Variants in UBAC2 observed in about 807,000 individuals in gnomAD.
The protein encoded by UBAC2 is ubiquitin-associated domain-containing protein 2.
UBAC2 carries 26 observed loss-of-function variants against 44.0 expected under a neutral mutation model. The ratio of observed to expected loss-of-function variants is 0.59; its 90% confidence interval spans 0.43 to 0.82. The LOEUF (loss-of-function observed/expected upper bound fraction) is 0.82, where lower values mean the gene tolerates loss of function less well. Ranked by LOEUF, UBAC2 falls within the 40% of genes least tolerant of loss-of-function variation. The probability of loss-of-function intolerance (pLI) is 0.00; values close to 1 mark genes in which losing one functional copy is unlikely to be tolerated. For missense variants in UBAC2, 329 were observed against 419.4 expected, an observed-to-expected ratio of 0.78 and a Z score of 1.88; for synonymous variants, 155 against 154.3, an observed-to-expected ratio of 1.00 and a Z score of -0.04.
chr13:99,317,272 CA>C (rs1566499892), intron 5 of UBAC2, among the ~76,000 whole-genome samples: 1 of 152,308 alleles, frequency 6.6e-6, no homozygotes, highest in East Asian at 1.9e-4. Context: ...AGTAAACCCC[CA>C]ATCTGAAGTT....
chr13:99,238,473 C>G lies in UBAC2; in HGVS notation c.78C>G (p.Leu26=). 6.2e-7 allele frequency: 1 copy of G among 1,614,010 alleles called. No individual in the cohort carries two copies. The change falls in exon 2 of 9, where the codon CTC becomes CTG. Residue 26 remains leucine (L), a synonymous_variant. Transcript: ENST00000403766. The part of the protein sequence containing the change: ...SKSLLLVPSA[L]SLLLALLLPH... ...GCCTTCTGCTGGTCCCCAGTGCCCT[C>G]TCCCTCCTGCTCGCCCTCCTCCTGC...
At chr13:99,316,934 T>C (rs1357923873) in intron 5 of UBAC2, among the ~76,000 whole-genome samples, 1 of 152,206 alleles carries the variant, frequency 6.6e-6, no homozygotes, top group African/African-American at 2.4e-5. Flanking sequence ...ATTCTTTCTA[T>C]TTTTAGAAGA....
intron 4 of UBAC2, among the ~76,000 whole-genome samples, chr13:99,293,664 G>A (rs2044124907): frequency 6.6e-6 from 1 of 152,130 alleles, no homozygotes; most frequent in African/African-American, 2.4e-5. Context: ...TTTGACAATG[G>A]CTTTAAAATC....
intron 8 of UBAC2, among the ~76,000 whole-genome samples, chr13:99,380,202 C>T (rs902087922): frequency 1.3e-5 from 2 of 152,154 alleles, no homozygotes; most frequent in African/African-American, 2.4e-5. Flanking sequence ...GGAGCATTTT[C>T]GATTTTGAAT....
At chr13:99,345,816 C>T (rs1346561378) in intron 7 of UBAC2, among the ~76,000 whole-genome samples, 1 of 147,326 alleles carries the variant, frequency 6.8e-6, no homozygotes, top group African/African-American at 2.5e-5. Flanking sequence ...GATCTTGGCT[C>T]ACTGCAACCT....
intron 8 of UBAC2, among the ~76,000 whole-genome samples, chr13:99,368,688 A>AGAGAGTGTGT (rs765104174): frequency 6.8e-6 from 1 of 146,596 alleles, no homozygotes. Flanking sequence ...CTCATGAGAG[A>AGAGAGTGTGT]GTGTGTGTGT....
At chr13:99,240,432 A>G (rs2043286496) in intron 2 of UBAC2, among the ~76,000 whole-genome samples, 1 of 151,856 alleles carries the variant, frequency 6.6e-6, no homozygotes, top group Admixed American at 6.6e-5. Flanking sequence ...GTAATTACAA[A>G]CTCTCCATTT....
intron 1 of UBAC2, among the ~76,000 whole-genome samples, chr13:99,211,384 A>G (rs1470075803): frequency 1.3e-5 from 2 of 152,372 alleles, no homozygotes; most frequent in South Asian, 4.1e-4. Context: ...GGCAATGGCA[A>G]TATGACTTGT....
chr13:99,228,257 C>T (rs2043133396), intron 1 of UBAC2, among the ~76,000 whole-genome samples: 1 of 151,772 alleles, frequency 6.6e-6, no homozygotes, highest in Non-Finnish European at 1.5e-5. Flanking sequence ...TGTGATGGTG[C>T]TGGTGGTAGG....
At position 99,254,758 on chromosome 13, in the gene UBAC2, TAATG is replaced by T. The variant is rs1594052638; in HGVS notation, c.389+10138_389+10141del. The T allele has an allele frequency of 8.2e-6, 6 of 735,720 alleles. No individual in the cohort carries two copies. The East Asian group carries it at 8.3e-5, about 10-fold the overall frequency. The allele number at this position is 735,720 out of a possible 1,614,324, so 45.6% of individuals were successfully genotyped here. A position where few individuals can be genotyped will look rare whatever the true frequency, so the allele number is the denominator to read the frequency against. On this transcript the variant is annotated intron_variant, in intron 4 of 8. Transcript: ENST00000403766. Reference sequence around the variant, plus strand: ...TTTATATAAGTTTTTAAAATGAAGATAATGAATTTATTTTTTCAAGAGAAAAGGG... The same window carrying T: ...TTTATATAAGTTTTTAAAATGAAGATAATTTATTTTTTCAAGAGAAAAGGG...
intron 8 of UBAC2, among the ~76,000 whole-genome samples, chr13:99,381,160 C>A (rs1465463703): frequency 2.6e-5 from 4 of 152,374 alleles, no homozygotes; most frequent in Admixed American, 2.6e-4. Context: ...CATCCCAGAC[C>A]TAAGGGGTTC....
intron 1 of UBAC2, among the ~76,000 whole-genome samples, chr13:99,216,226 G>A (rs1447212408): frequency 5.3e-5 from 8 of 151,788 alleles, no homozygotes; most frequent in South Asian, 2.1e-4. Context: ...CTCAGCCTCC[G>A]AAGTAGTAGC....
chr13:99,337,252 T>C (rs931138502), intron 6 of UBAC2, among the ~76,000 whole-genome samples: 1 of 152,236 alleles, frequency 6.6e-6, no homozygotes, highest in African/African-American at 2.4e-5. Flanking sequence ...TGATGAAAAT[T>C]GGTATCTTAA....
chr13:99,343,934 T>G (rs765387752), intron 7 of UBAC2, among the ~76,000 whole-genome samples: 20 of 152,214 alleles, frequency 1.3e-4, no homozygotes, highest in Non-Finnish European at 2.2e-4. Flanking sequence ...AACAAATAAG[T>G]ACTTAGTGCT....
chr13:99,284,315 T>A (rs1423194371), intron 4 of UBAC2, among the ~76,000 whole-genome samples: 1 of 152,238 alleles, frequency 6.6e-6, no homozygotes, highest in Non-Finnish European at 1.5e-5. Flanking sequence ...AGCTATTACT[T>A]GTATTTTCAT....
chr13:99,200,883 T>G lies in UBAC2; in HGVS notation c.-26T>G. ...TTCAGCTTCCCCTCCCCCGGCGCCC[T>G]CTGGGGCTCCGAGCCCGGCGGGACC... On this transcript the variant is annotated 5_prime_UTR_variant, in exon 1 of 9. Coordinates refer to ENST00000403766, the MANE Select transcript of UBAC2 (RefSeq NM_001144072.2). 2 of 1,301,982 alleles carry G rather than the reference T, an allele frequency of 1.5e-6. No individual in the cohort carries two copies. The highest frequency in any genetic ancestry group is 2.9e-5 in the East Asian group (1 of 34,218). 80.7% of individuals were successfully genotyped at this position (1,301,982 alleles called of 1,614,324 possible).
At chr13:99,238,309 T>A (rs954545655) in intron 1 of UBAC2, 118 bp from the exon 2 acceptor site, 48 of 1,347,300 alleles carry the variant, frequency 3.6e-5, no homozygotes, top group Non-Finnish European at 4.4e-5. Context: ...AATTTCAGAG[T>A]TTCTGGACTT....
At chr13:99,272,831 A>G (rs890119505) in intron 4 of UBAC2, among the ~76,000 whole-genome samples, 2 of 152,160 alleles carry the variant, frequency 1.3e-5, no homozygotes, top group African/African-American at 4.8e-5. Context: ...GGGGGGAGAC[A>G]AAGTTCAGTG....
rs575190593 is a variant in UBAC2 at position 99,364,580 on chromosome 13, G to T, written c.808-3207G>T. On this transcript the variant is annotated intron_variant, in intron 7 of 8. Coordinates refer to ENST00000403766, the MANE Select transcript of UBAC2 (RefSeq NM_001144072.2). ...CTGTACTCTAGAGCAGTTTATATAA[G>T]ATAAGGAGTCATTAAAGATTTCATA... 3.3e-5 allele frequency among the ~76,000 whole-genome samples: 5 copies of T among 152,158 alleles called. No homozygotes were observed. The South Asian group carries it at 1.0e-3, about 32-fold the overall frequency.
Sources: gnomAD v4.1 joint callset for allele counts (sites outside exome capture counted in the v4.1 genomes callset) on GRCh38, gnomAD v4.1.1 for gene constraint, MANE v1.5 for transcripts, NCBI Gene and HGNC (gene_info 2026-07-23, HGNC 2026-07-21) for gene names.